Variants in DYNC1LI2 observed in about 807,000 individuals in gnomAD.
The protein encoded by DYNC1LI2 is cytoplasmic dynein 1 light intermediate chain 2.
Under a neutral mutation model 57.8 loss-of-function variants are expected in DYNC1LI2, and 19 were observed. The observed-to-expected ratio is 0.33, with a 90% CI of 0.23 to 0.48. DYNC1LI2 has a LOEUF of 0.48. Ranked by LOEUF, DYNC1LI2 falls within the 20% of genes least tolerant of loss-of-function variation. The probability of loss-of-function intolerance (pLI) is 0.99; values close to 1 mark genes in which losing one functional copy is unlikely to be tolerated. For synonymous variants in DYNC1LI2, 256 were observed against 233.4 expected, an observed-to-expected ratio of 1.10 and a Z score of -0.88; for missense variants, 470 against 604.2, an observed-to-expected ratio of 0.78 and a Z score of 2.33.
chr16:66,742,500 A>G lies in DYNC1LI2; in HGVS notation c.467T>C (p.Leu156Ser). Residue 156 changes from leucine (L) to serine (S), a missense_variant, in exon 4 of 13, where the codon TTA becomes TCA. Leu to Ser is a moderately radical substitution (Grantham distance 145). Coordinates refer to ENST00000258198, the MANE Select transcript of DYNC1LI2 (RefSeq NM_006141.3). Reference sequence around the variant, plus strand: ...TTTCATTTTATCAATGTGCTCACGTAAAACACTAGCCCATTTCTGCAGAGA... The same window carrying G: ...TTTCATTTTATCAATGTGCTCACGTGAAACACTAGCCCATTTCTGCAGAGA... ...MESLQKWASV[L>S]REHIDKMKIP... is the part of the protein sequence containing the mutation. 6.2e-7 allele frequency: 1 copy of G among 1,614,236 alleles called. No individual in the cohort carries two copies. The highest frequency in any genetic ancestry group is 8.5e-7 in the Non-Finnish European group (1 of 1,180,048).
At chr16:66,747,879 G>A (rs1253712087) in intron 3 of DYNC1LI2, among the ~76,000 whole-genome samples, 1 of 152,098 alleles carries the variant, frequency 6.6e-6, no homozygotes, top group Non-Finnish European at 1.5e-5. Flanking sequence ...CCTAAAGAAA[G>A]TAATTTAGTG....
At chr16:66,742,715 T>C in intron 3 of DYNC1LI2, 47 bp from the exon 4 acceptor site, 4 of 1,565,710 alleles carry the variant, frequency 2.6e-6, no homozygotes, top group Middle Eastern at 3.4e-4. Context: ...ACAGTGACCA[T>C]CAGCATAGCT....
rs766902577 is a variant in DYNC1LI2, at chr16:66,742,390, T to TA, written c.529+47dup. 4.2e-5 allele frequency: 66 copies of TA among 1,580,896 alleles called. 1 individual carries two copies. The Admixed American group carries it at 7.7e-4, about 18-fold the overall frequency. On this transcript the variant is annotated intron_variant, in intron 4 of 12. Coordinates refer to ENST00000258198, the MANE Select transcript of DYNC1LI2 (RefSeq NM_006141.3). ...GAAAAGGAAAGTGATTCAAACCATCTAAAGAGACTCGTGAACTTCCCAATT... is the reference window on the plus strand; with the variant it reads ...GAAAAGGAAAGTGATTCAAACCATCTAAAAGAGACTCGTGAACTTCCCAATT...
In DYNC1LI2 at chr16:66,751,543, G is replaced by C; in HGVS notation, c.49C>G (p.Pro17Ala). The C allele has an allele frequency of 6.3e-7, 1 of 1,588,064 alleles. No individual in the cohort carries two copies. ...EKKLLLGPNG[P>A]AVAAAGDLTS... ...AGGTCGCCGGCGGCCGCCACCGCGG[G>C]CCCGTTGGGACCTAGCAGCAGCTTC... The change falls in exon 1 of 13, where the codon CCC (proline) becomes GCC (alanine). Residue 17 changes from proline to alanine, a missense_variant. By Grantham distance (27) the Pro-to-Ala change is conservative (BLOSUM62 -1). Transcript: ENST00000258198. This position sits in a 1 kb window ranked among gnomAD's most constrained non-coding sequence, Gnocchi z 5.2.
In DYNC1LI2 at chr16:66,736,080, T is replaced by G; in HGVS notation, c.694A>C (p.Thr232Pro). The G allele has an allele frequency of 6.2e-7, 1 of 1,614,032 alleles. No homozygotes were observed. Among genetic ancestry groups the G allele is most frequent in the Non-Finnish European group, 8.5e-7 (1 of 1,179,976 alleles). ...NLGIPVLVVCTKCDAVSVLEK... is the reference protein window; with the variant it reads ...NLGIPVLVVCPKCDAVSVLEK... ...AACAACCCCCTGGCACACACCTTTG[T>G]GCACACCACCAACACCGGGATCCCC... is the stretch of plus-strand genomic sequence containing the variant. Residue 232 changes from threonine to proline, a missense_variant, in exon 5 of 13, where the codon ACA becomes CCA. Physicochemically the swap from Thr to Pro is conservative, Grantham distance 38. Transcript: ENST00000258198.
Position 66,721,654 on chromosome 16 carries a change from G to T in DYNC1LI2, c.*2068C>A, listed in dbSNP as rs1228669349. ...TACTAGGAGCTTCCACTTCTCATGA[G>T]TAAATAAAAGTGGTCTCCAAGAAAC... is the stretch of plus-strand genomic sequence containing the variant. On this transcript the variant is annotated 3_prime_UTR_variant, in exon 13 of 13. Coordinates refer to ENST00000258198, the MANE Select transcript of DYNC1LI2 (RefSeq NM_006141.3). 1 of 152,526 alleles carries T rather than the reference G, an allele frequency of 6.6e-6. No homozygotes were observed. The highest frequency in any genetic ancestry group is 1.5e-5 in the Non-Finnish European group (1 of 68,032). 9.4% of individuals were successfully genotyped at this position (152,526 alleles called of 1,614,324 possible).
At chr16:66,735,613 TCTC>T (rs996473804) in intron 5 of DYNC1LI2, among the ~76,000 whole-genome samples, 1 of 152,016 alleles carries the variant, frequency 6.6e-6, no homozygotes, top group Non-Finnish European at 1.5e-5. Flanking sequence ...TTAATGCCAT[TCTC>T]CTACCTCAGC....
At chr16:66,726,790 C>T (rs532257811) in intron 11 of DYNC1LI2, among the ~76,000 whole-genome samples, 1 of 152,222 alleles carries the variant, frequency 6.6e-6, no homozygotes, top group East Asian at 1.9e-4. Context: ...TACAGGTGCC[C>T]ACCATCACGC....
In DYNC1LI2 at chr16:66,736,328, T is replaced by G. The variant is rs976075117; in HGVS notation, c.530-84A>C. ...TAGAACACTGAAAAGAAGGCAATAA[T>G]AAGCACAAAACACAGGCAGTTGTGT... On this transcript the variant is annotated intron_variant, in intron 4 of 12. Transcript: ENST00000258198. The G allele has an allele frequency of 6.1e-5, 91 of 1,495,474 alleles. No individual in the cohort carries two copies. In the African/African-American group the frequency reaches 1.2e-3, roughly 20 times the overall value. The allele number at this position is 1,495,474 out of a possible 1,614,324, so 92.6% of individuals were successfully genotyped here. A position where few individuals can be genotyped will look rare whatever the true frequency, so the allele number is the denominator to read the frequency against.
rs2017470636 is a variant in DYNC1LI2 at position 66,722,830 on chromosome 16, G to A, written c.*892C>T. ...TTTTGTATTAGTTAGGCCAGCCTGT[G>A]ATAGTAAAAACAAAAAATTTAATTT... On this transcript the variant is annotated 3_prime_UTR_variant, in exon 13 of 13. Transcript: ENST00000258198. 1 of 154,060 alleles carries A rather than the reference G, an allele frequency of 6.5e-6. No homozygotes were observed. Among genetic ancestry groups the A allele is most frequent in the South Asian group, 2.0e-4 (1 of 4,990 alleles). The allele number at this position is 154,060 out of a possible 1,614,324, so 9.5% of individuals were successfully genotyped here. A position where few individuals can be genotyped will look rare whatever the true frequency, so the allele number is the denominator to read the frequency against.
intron 5 of DYNC1LI2, among the ~76,000 whole-genome samples, chr16:66,735,601 G>A (rs2017720049): frequency 6.6e-6 from 1 of 151,846 alleles, no homozygotes; most frequent in Admixed American, 6.6e-5. Flanking sequence ...CCACCTCCTG[G>A]GTTAATGCCA....
In DYNC1LI2 at chr16:66,736,223, T is replaced by C; in HGVS notation, c.551A>G (p.Tyr184Cys). ...ERKFVKDFQDYMEPEEGCQGS... is the reference protein window; with the variant it reads ...ERKFVKDFQDCMEPEEGCQGS... ...TTGACAACCTTCTTCAGGTTCCATA[T>C]AGTCTTGAAAATCTTTCACAACTGG... Residue 184 changes from tyrosine (Y) to cysteine (C), a missense_variant, in exon 5 of 13, where the codon TAT becomes TGT. By Grantham distance (194) the Tyr-to-Cys change is radical (BLOSUM62 -2). Transcript: ENST00000258198. 2 of 1,613,878 alleles carry C rather than the reference T, an allele frequency of 1.2e-6. No individual in the cohort carries two copies. The highest frequency in any genetic ancestry group is 1.3e-5 in the African/African-American group (1 of 75,024).
chr16:66,731,848 G>C (rs184425417), intron 7 of DYNC1LI2: 4 of 152,806 alleles, frequency 2.6e-5, no homozygotes, highest in Non-Finnish European at 5.8e-5. Flanking sequence ...TAGGAAAACA[G>C]GTATCCAAGT....
At chr16:66,742,843 G>A (rs1383652971) in intron 3 of DYNC1LI2, among the ~76,000 whole-genome samples, 175 bp from the exon 4 acceptor site, 1 of 152,084 alleles carries the variant, frequency 6.6e-6, no homozygotes, top group African/African-American at 2.4e-5. Flanking sequence ...AGCAATCCTT[G>A]GTCCTGGTGC....
In DYNC1LI2 at chr16:66,723,328, G is replaced by C. The variant is rs1899996523; in HGVS notation, c.*394C>G. 2 of 458,954 alleles carry C rather than the reference G, an allele frequency of 4.4e-6. No individual in the cohort carries two copies. Among genetic ancestry groups the C allele is most frequent in the Admixed American group, 2.3e-5 (1 of 42,598 alleles). 28.4% of individuals were successfully genotyped at this position (458,954 alleles called of 1,614,324 possible). A position where few individuals can be genotyped will look rare whatever the true frequency, so the allele number is the denominator to read the frequency against. ...TTCTGCTACTTAATCTGCTTCCCAAGAACAAGTGAATTTACTAACATGAAA... is the reference window on the plus strand; with the variant it reads ...TTCTGCTACTTAATCTGCTTCCCAACAACAAGTGAATTTACTAACATGAAA... On this transcript the variant is annotated 3_prime_UTR_variant, in exon 13 of 13. Coordinates refer to ENST00000258198, the MANE Select transcript of DYNC1LI2 (RefSeq NM_006141.3).
intron 6 of DYNC1LI2, chr16:66,732,845 TCA>T (rs1491368600): frequency 6.3e-6 from 1 of 159,538 alleles, no homozygotes; most frequent in African/African-American, 2.4e-5. Flanking sequence ...GAAAACACTC[TCA>T]GAGTATCAAG....
At chr16:66,728,337 C>T in intron 9 of DYNC1LI2, 95 bp from the exon 10 acceptor site, 2 of 1,399,442 alleles carry the variant, frequency 1.4e-6, no homozygotes, top group Non-Finnish European at 2.0e-6. Flanking sequence ...CACTAGAGGG[C>T]ACTATTAACA....
chr16:66,751,377 C>G lies in DYNC1LI2; in HGVS notation c.108-31G>C. 1 of 1,606,570 alleles carries G rather than the reference C, an allele frequency of 6.2e-7. No homozygotes were observed. The highest frequency in any genetic ancestry group is 8.5e-7 in the Non-Finnish European group (1 of 1,177,154). ...GCGACAATGGCAAGAGTGGTCAGCC[C>G]CGGGCCGGGCTGGGATGGCCCGGCT... On this transcript the variant is annotated intron_variant, in intron 1 of 12. Transcript: ENST00000258198. The surrounding 1 kb of genome is among the most constrained non-coding windows in gnomAD (Gnocchi z 5.2).
chr16:66,749,776 GTT>G (rs2018007531), intron 2 of DYNC1LI2, among the ~76,000 whole-genome samples: 1 of 152,208 alleles, frequency 6.6e-6, no homozygotes, highest in Non-Finnish European at 1.5e-5. Flanking sequence ...AAGAATGGAA[GTT>G]ATTCACTTTT....
Sources: allele counts gnomAD v4.1 joint callset (sites outside exome capture counted in the v4.1 genomes callset), GRCh38; gene constraint gnomAD v4.1.1; non-coding constraint Gnocchi (gnomAD v3.1); transcripts MANE v1.5; gene names NCBI Gene and HGNC (gene_info 2026-07-23, HGNC 2026-07-21).